Variants in GRM8 observed in about 807,000 individuals in gnomAD.
The protein encoded by GRM8 is metabotropic glutamate receptor 8.
Under a neutral mutation model 87.2 loss-of-function variants are expected in GRM8, and 47 were observed. The observed-to-expected ratio is 0.54, with a 90% CI of 0.43 to 0.69. The LOEUF (loss-of-function observed/expected upper bound fraction) is 0.69, where lower values mean the gene tolerates loss of function less well. GRM8 is among the 30% of genes least tolerant of loss of function. The probability of loss-of-function intolerance (pLI) is 0.00; values close to 1 mark genes in which losing one functional copy is unlikely to be tolerated. For synonymous variants in GRM8, 396 were observed against 404.5 expected, an observed-to-expected ratio of 0.98 and a Z score of 0.25; for missense variants, 1,019 against 1,139.2, an observed-to-expected ratio of 0.89 and a Z score of 1.52.
intron 8 of GRM8, 119 bp from the exon 9 acceptor site, chr7:126,534,006 AT>A: frequency 1.4e-6 from 1 of 740,302 alleles, no homozygotes; most frequent in Non-Finnish European, 2.2e-6. Context: ...GTTTACCATA[AT>A]AAGAGTCTCG....
intron 2 of GRM8, among the ~76,000 whole-genome samples, chr7:127,237,340 C>T (rs1174187706): frequency 6.6e-6 from 1 of 152,148 alleles, no homozygotes; most frequent in East Asian, 1.9e-4. Flanking sequence ...TGACTGCACT[C>T]ATTTATGAGT....
chr7:126,511,550 G>A (rs1386023647), intron 9 of GRM8: 1 of 152,072 alleles, frequency 6.6e-6, no homozygotes, highest in Non-Finnish European at 1.5e-5. Flanking sequence ...GTTATCATAA[G>A]GCTAGTTACC....
intron 7 of GRM8, among the ~76,000 whole-genome samples, chr7:126,708,119 G>A (rs1241094190): frequency 6.6e-6 from 1 of 151,894 alleles, no homozygotes; most frequent in Admixed American, 6.6e-5. Context: ...ATGTTCAATA[G>A]GTATATGAAA....
chr7:126,553,521 T>C (rs1007211288), intron 8 of GRM8, among the ~76,000 whole-genome samples: 2 of 152,174 alleles, frequency 1.3e-5, no homozygotes, highest in African/African-American at 4.8e-5. Flanking sequence ...GAAAGGTGAA[T>C]TCGTCACATG....
intron 3 of GRM8, among the ~76,000 whole-genome samples, chr7:126,908,218 A>ACCTCT (rs1378979839): frequency 6.6e-5 from 10 of 152,288 alleles, no homozygotes; most frequent in Admixed American, 5.9e-4. Flanking sequence ...ACTGAGAGAG[A>ACCTCT]ATATTTAAAT....
chr7:126,655,391 C>T (rs1191479971), intron 7 of GRM8, among the ~76,000 whole-genome samples: 2 of 152,132 alleles, frequency 1.3e-5, no homozygotes, highest in African/African-American at 4.8e-5. Flanking sequence ...GACTCTGTAT[C>T]CCCACCTAAA....
At chr7:127,112,795 TG>T (rs1382236911) in intron 2 of GRM8, among the ~76,000 whole-genome samples, 1 of 152,222 alleles carries the variant, frequency 6.6e-6, no homozygotes, top group African/African-American at 2.4e-5. Flanking sequence ...CTTTGCTTTT[TG>T]AAATGCCAAA....
intron 3 of GRM8, among the ~76,000 whole-genome samples, chr7:126,984,809 A>G (rs567018556): frequency 1.3e-5 from 2 of 152,172 alleles, no homozygotes; most frequent in South Asian, 4.1e-4. Flanking sequence ...TATTGCCTTG[A>G]AAAGATAACC....
intron 9 of GRM8, among the ~76,000 whole-genome samples, chr7:126,502,313 G>A (rs1809764333): frequency 6.6e-6 from 1 of 151,992 alleles, no homozygotes; most frequent in Non-Finnish European, 1.5e-5. Flanking sequence ...AGGTATGCAA[G>A]GGCAGCACAA....
chr7:127,015,176 G>GAGAAGAAGA (rs778849282), intron 3 of GRM8, among the ~76,000 whole-genome samples: 18 of 87,028 alleles, frequency 2.1e-4, no homozygotes, highest in Non-Finnish European at 3.2e-4. Flanking sequence ...GAAGGAGAAG[G>GAGAAGAAGA]AGAAGAAGAA....
chr7:126,476,761 G>A (rs1805959514), intron 9 of GRM8, among the ~76,000 whole-genome samples: 1 of 151,978 alleles, frequency 6.6e-6, no homozygotes, highest in Non-Finnish European at 1.5e-5. Flanking sequence ...TGACAAGGAT[G>A]GGGAGAAAAG....
intron 2 of GRM8, 86 bp from the exon 3 acceptor site, chr7:127,106,798 T>C (rs1825849376): frequency 4.2e-6 from 4 of 951,002 alleles, no homozygotes; most frequent in Non-Finnish European, 6.8e-6. Context: ...GCCAAGGCTA[T>C]ACCAGAAACC....
At chr7:126,538,554 TA>T (rs1055170909) in intron 8 of GRM8, among the ~76,000 whole-genome samples, 24 of 152,086 alleles carry the variant, frequency 1.6e-4, no homozygotes, top group African/African-American at 5.5e-4. Flanking sequence ...ATACATTGTT[TA>T]CAGATAACTG....
At chr7:126,498,451 C>T (rs1443040354) in intron 9 of GRM8, among the ~76,000 whole-genome samples, 3 of 151,972 alleles carry the variant, frequency 2.0e-5, no homozygotes, top group Non-Finnish European at 4.4e-5. Context: ...ATTCTGCTTT[C>T]TGCAAGAGTA....
At chr7:126,666,695 A>C (rs1805808938) in intron 7 of GRM8, among the ~76,000 whole-genome samples, 1 of 152,318 alleles carries the variant, frequency 6.6e-6, no homozygotes, top group East Asian at 1.9e-4. Flanking sequence ...TTTAAAAAAA[A>C]AAGAATAAGA....
intron 9 of GRM8, among the ~76,000 whole-genome samples, chr7:126,522,192 T>C (rs1195800535): frequency 3.3e-5 from 5 of 152,192 alleles, no homozygotes; most frequent in Non-Finnish European, 7.3e-5. Flanking sequence ...CATCTCATTT[T>C]CCATTGTCTT....
At chr7:126,874,569 T>A (rs1395271348) in intron 6 of GRM8, among the ~76,000 whole-genome samples, 3 of 152,094 alleles carry the variant, frequency 2.0e-5, no homozygotes, top group Non-Finnish European at 4.4e-5. Flanking sequence ...TCTCATTTAA[T>A]CCTCAACACG....
intron 6 of GRM8, among the ~76,000 whole-genome samples, chr7:126,824,949 G>A (rs1010156158): frequency 1.1e-4 from 17 of 152,210 alleles, no homozygotes. Context: ...CTCTCTCAAA[G>A]AGCCTCTCTT....
chr7:126,575,763 TA>T (rs890309645), intron 8 of GRM8, among the ~76,000 whole-genome samples: 46 of 151,620 alleles, frequency 3.0e-4, no homozygotes, highest in Admixed American at 1.2e-3. Context: ...TGCCAACCCC[TA>T]AAAAAAAATT....
Sources: allele counts gnomAD v4.1 joint callset (sites outside exome capture counted in the v4.1 genomes callset), GRCh38; gene constraint gnomAD v4.1.1; transcripts MANE v1.5; gene names NCBI Gene and HGNC (gene_info 2026-07-23, HGNC 2026-07-21).